The following ROBO4 variants were observed in gnomAD, a reference collection of about 807,000 sequenced individuals.
The protein encoded by ROBO4 is roundabout homolog 4.
In ROBO4, 80 loss-of-function variants were observed where a neutral mutation model predicts 103.3. The ratio of observed to expected loss-of-function variants is 0.77; its 90% CI spans 0.65 to 0.93. The LOEUF (loss-of-function observed/expected upper bound fraction) is 0.93, where lower values mean the gene tolerates loss of function less well. Among genes scored for constraint, ROBO4 ranks in the 40% least tolerant of loss-of-function variants. The pLI is 0.00. For synonymous variants in ROBO4, 504 were observed against 529.7 expected, an observed-to-expected ratio of 0.95 and a Z score of 0.67; for missense variants, 1,333 against 1,305.3, an observed-to-expected ratio of 1.02 and a Z score of -0.33.
chr11:124,895,861 A>T lies in ROBO4; in HGVS notation c.731T>A (p.Leu244Gln). ...CGGGTTCAGCAGTGTCACATTTTCC[A>T]GCTGAATTCGCACAGCCAGAAGCTC... Reference protein sequence around the residue: ...PVELLAVRIQLENVTLLNPDP... With the variant: ...PVELLAVRIQQENVTLLNPDP... The change falls in exon 5 of 18, where the codon CTG (leucine) becomes CAG (glutamine). Residue 244 changes from leucine to glutamine, a missense_variant. Transcript: ENST00000306534. 6.2e-7 allele frequency: 1 copy of T among 1,614,020 alleles called. No individual in the cohort carries two copies. Among genetic ancestry groups the T allele is most frequent in the Non-Finnish European group, 8.5e-7 (1 of 1,180,006 alleles).
chr11:124,897,479 C>T, intron 1 of ROBO4: 1 of 582,132 alleles, frequency 1.7e-6, no homozygotes, highest in South Asian at 2.4e-5. Context: ...CGCTCTCTCT[C>T]TCTCTCTCTC....
At chr11:124,896,024 T>A (rs1946882830) in intron 4 of ROBO4, 112 bp from the exon 5 acceptor site, 1 of 1,547,066 alleles carries the variant, frequency 6.5e-7, no homozygotes, top group South Asian at 1.2e-5. Flanking sequence ...TCCCAGAGTC[T>A]CCAGGTCTTG....
Position 124,896,216 on chromosome 11 carries a change from C to T in ROBO4, c.661G>A (p.Ala221Thr). The change falls in exon 4 of 18, where the codon GCC becomes ACC. Residue 221 changes from alanine to threonine, a missense_variant. Transcript: ENST00000306534. ...NSAGHRESRA[A>T]RVSIQEPQDY... is the part of the protein sequence containing the mutation. ...CCCTTACCCTGGATGGAAACCCGGG[C>T]TGCGCGGCTCTCCCTATGTCCTGCG... The T allele has an allele frequency of 6.2e-7, 1 of 1,614,076 alleles. No homozygotes were observed. Among genetic ancestry groups the T allele is most frequent in the Non-Finnish European group, 8.5e-7 (1 of 1,180,012 alleles).
chr11:124,891,324 C>T lies in ROBO4; in HGVS notation c.1923G>A (p.Glu641=). The change falls in exon 12 of 18, where the codon GAG becomes GAA. Residue 641 remains glutamate, a synonymous_variant. Transcript: ENST00000306534. ...CCTGCTTCTTTTTGGCCTTCCAAGC[C>T]TCTGCAGGGGCCAGAGACAAGCGGG... ...SSPRLSLAPA[E]AWKAKKKQEL... is the part of the protein sequence containing the mutation. 6.6e-7 allele frequency: 1 copy of T among 1,523,174 alleles called. No individual in the cohort carries two copies. Among genetic ancestry groups the T allele is most frequent in the Admixed American group, 2.2e-5 (1 of 45,334 alleles). 94.4% of individuals were successfully genotyped at this position (1,523,174 alleles called of 1,614,324 possible). A position where few individuals can be genotyped will look rare whatever the true frequency, so the allele number is the denominator to read the frequency against.
At chr11:124,887,554 C>G (rs1328950847) in intron 13 of ROBO4, 55 bp from the exon 14 acceptor site, 19 of 1,605,950 alleles carry the variant, frequency 1.2e-5, no homozygotes, top group Non-Finnish European at 1.6e-5. Flanking sequence ...TGCTCTGGAG[C>G]TCAGCCTGCC....
At chr11:124,885,964 A>G (rs535333796) in intron 16 of ROBO4, among the ~76,000 whole-genome samples, 1 of 152,210 alleles carries the variant, frequency 6.6e-6, no homozygotes, top group South Asian at 2.1e-4. Flanking sequence ...TGAGGTGGGT[A>G]GATCACTTGA....
chr11:124,890,148 C>A (rs1329266736), intron 12 of ROBO4, among the ~76,000 whole-genome samples: 2 of 152,200 alleles, frequency 1.3e-5, no homozygotes, highest in Admixed American at 6.5e-5. Flanking sequence ...GACTATTCCA[C>A]CTTTTTTTTA....
Position 124,891,504 on chromosome 11 carries a change from A to G in ROBO4, c.1743T>C (p.Phe581=). Residue 581 remains phenylalanine (F), a synonymous_variant, in exon 12 of 18, where the codon TTT becomes TTC. Coordinates refer to ENST00000306534, the MANE Select transcript of ROBO4 (RefSeq NM_019055.6). The part of the protein sequence containing the change: ...GVPLLPDTST[F]YGSLIAELPS... The stretch of plus-strand genomic sequence containing the variant: ...GCAGCTCAGCGATGAGGGAGCCATA[A>G]AAAGTGCTGGTGTCTGGAAGCAGGG... 1.9e-6 allele frequency: 3 copies of G among 1,614,146 alleles called. No individual in the cohort carries two copies. Among genetic ancestry groups the G allele is most frequent in the Non-Finnish European group, 2.5e-6 (3 of 1,180,010 alleles).
chr11:124,894,093 G>T (rs7928168), intron 8 of ROBO4, 48 bp from the exon 9 acceptor site: 12 of 1,542,932 alleles, frequency 7.8e-6, no homozygotes, highest in African/African-American at 1.4e-5. Context: ...AGGCATTGAG[G>T]GCCTGGCAGG....
rs766587091 is a variant in ROBO4, at chr11:124,886,783, G to T, written c.2475C>A (p.Pro825=). Residue 825 remains proline (P), a synonymous_variant, in exon 16 of 18, where the codon CCC becomes CCA. Transcript: ENST00000306534. ...VSPMPRAPSP[P]TTYGYISVPT... is the part of the protein sequence containing the mutation. Reference sequence around the variant, plus strand: ...GGACGCTGATGTACCCATAGGTGGTGGGGGGTGAAGGAGCCCTTGGCATGG... The same window carrying T: ...GGACGCTGATGTACCCATAGGTGGTTGGGGGTGAAGGAGCCCTTGGCATGG... The T allele has an allele frequency of 1.3e-6, 2 of 1,541,088 alleles. No homozygotes were observed. Among genetic ancestry groups the T allele is most frequent in the African/African-American group, 1.4e-5 (1 of 72,846 alleles).
At chr11:124,888,663 G>A (rs1215813691) in intron 12 of ROBO4, among the ~76,000 whole-genome samples, 3 of 152,208 alleles carry the variant, frequency 2.0e-5, no homozygotes, top group East Asian at 3.8e-4. Context: ...GCTGTCATCT[G>A]GCCCACATGG....
At chr11:124,888,911 C>G (rs1466938294) in intron 12 of ROBO4, among the ~76,000 whole-genome samples, 1 of 152,130 alleles carries the variant, frequency 6.6e-6, no homozygotes, top group East Asian at 1.9e-4. Flanking sequence ...AGATTAGTGT[C>G]CCATGACCAG....
Position 124,884,801 on chromosome 11 carries a change from A to T in ROBO4, c.*90T>A. ...GTGGACCCCAGCTGCAGAGAAACAC[A>T]GGCCAAGACCCACACACCACAGCCC... is the stretch of plus-strand genomic sequence containing the variant. On this transcript the variant is annotated 3_prime_UTR_variant, in exon 18 of 18. Transcript: ENST00000306534. The T allele has an allele frequency of 7.0e-7, 1 of 1,431,364 alleles. No individual in the cohort carries two copies. The highest frequency in any genetic ancestry group is 1.4e-5 in the African/African-American group (1 of 71,386). 88.7% of individuals were successfully genotyped at this position (1,431,364 alleles called of 1,614,324 possible).
At position 124,895,153 on chromosome 11, in the gene ROBO4, G is replaced by A. The variant is rs1221088803; in HGVS notation, c.1077C>T (p.Gly359=). Residue 359 remains glycine, a synonymous_variant, in exon 7 of 18, where the codon GGC becomes GGT. Coordinates refer to ENST00000306534, the MANE Select transcript of ROBO4 (RefSeq NM_019055.6). ...APPQEVTLKP[G]NGTVFVSWVP... is the part of the protein sequence containing the mutation. ...CCCAGCTCACAAAGACAGTGCCATTGCCAGGCTTTAGAGTCACTTCCTGAG... is the reference window on the plus strand; with the variant it reads ...CCCAGCTCACAAAGACAGTGCCATTACCAGGCTTTAGAGTCACTTCCTGAG... The A allele has an allele frequency of 4.3e-6, 7 of 1,614,022 alleles. No homozygotes were observed. The African/African-American group carries it at 6.7e-5, about 15-fold the overall frequency.
In ROBO4 at chr11:124,894,033, T is replaced by C; in HGVS notation, c.1331A>G (p.Glu444Gly). 6 of 1,549,688 alleles carry C rather than the reference T, an allele frequency of 3.9e-6. No individual in the cohort carries two copies. The highest frequency in any genetic ancestry group is 1.9e-5 in the Admixed American group (1 of 53,136). Residue 444 changes from glutamate to glycine, a missense_variant, in exon 9 of 18, where the codon GAG (glutamate) becomes GGG (glycine). By Grantham distance (98) the Glu-to-Gly change is moderately conservative. Transcript: ENST00000306534. ...PVCLLLEQAM[E>G]RATQEPSEHG... is the part of the protein sequence containing the mutation. Reference sequence around the variant, plus strand: ...CTCACTGGGTTCTTGGGTGGCTCGCTCCATGGCCTGCTCTGTATGGGATGC... The same window carrying C: ...CTCACTGGGTTCTTGGGTGGCTCGCCCCATGGCCTGCTCTGTATGGGATGC...
At position 124,886,733 on chromosome 11, in the gene ROBO4, A is replaced by G. The variant is rs1591530033; in HGVS notation, c.2525T>C (p.Met842Thr). 4 of 1,594,590 alleles carry G rather than the reference A, an allele frequency of 2.5e-6. No individual in the cohort carries two copies. The highest frequency in any genetic ancestry group is 3.4e-6 in the Non-Finnish European group (4 of 1,167,848). Residue 842 changes from methionine (M) to threonine (T), a missense_variant, in exon 16 of 18, where the codon ATG (methionine) becomes ACG (threonine). Physicochemically the swap from Met to Thr is moderately conservative, Grantham distance 81 (BLOSUM62 -1). Transcript: ENST00000306534. ...CCCCACCCCTCCTCCAGTCCTGCCC[A>G]TGTCCGTGAACTCTGAGGCTGTTGG... ...SVPTASEFTDMGRTGGGVGPK... is the reference protein window; with the variant it reads ...SVPTASEFTDTGRTGGGVGPK...
In ROBO4 at chr11:124,885,066, G is replaced by A; in HGVS notation, c.2976C>T (p.Leu992=). 6 of 1,614,186 alleles carry A rather than the reference G, an allele frequency of 3.7e-6. No individual in the cohort carries two copies. Among genetic ancestry groups the A allele is most frequent in the African/African-American group, 1.3e-5 (1 of 75,074 alleles). The stretch of plus-strand genomic sequence containing the variant: ...CACCAGCCTTGGGCATACGACAGTG[G>A]AGCTGACTTCTCTGGGAAGAGATCT... ...DSQISSQRSQ[L]HCRMPKAGAS... The change falls in exon 17 of 18, where the codon CTC becomes CTT. Residue 992 remains leucine (L), a synonymous_variant. Transcript: ENST00000306534.
chr11:124,885,111 AG>A lies in ROBO4; in HGVS notation c.2930del (p.Pro977LeufsTer28). The A allele has an allele frequency of 6.2e-7, 1 of 1,614,080 alleles. No individual in the cohort carries two copies. Among genetic ancestry groups the A allele is most frequent in the Non-Finnish European group, 8.5e-7 (1 of 1,180,020 alleles). On this transcript the variant is annotated frameshift_variant, in exon 17 of 18. Transcript: ENST00000306534. LOFTEE classifies it high-confidence loss of function. ...AGATCTGAGAGTCAGGGGGCCAGGG[AG>A]GCATCCCCCTTCCCAGCCGCTGGGT... ...SHTQRLGRGM[P>X]PWPPDSQISS...
intron 7 of ROBO4, among the ~76,000 whole-genome samples, chr11:124,894,637 G>C (rs1445457453): frequency 6.6e-6 from 1 of 152,206 alleles, no homozygotes. Flanking sequence ...CACCAGGGGG[G>C]CCTGCTATAG....
Sources: gnomAD v4.1 joint callset for allele counts (sites outside exome capture counted in the v4.1 genomes callset) on GRCh38, gnomAD v4.1.1 for gene constraint, MANE v1.5 for transcripts, NCBI Gene and HGNC (gene_info 2026-07-23, HGNC 2026-07-21) for gene names.